Variants in PTPRD observed in about 807,000 individuals in gnomAD.
PTPRD encodes the protein receptor-type tyrosine-protein phosphatase delta.
In PTPRD, 34 loss-of-function variants were observed where a neutral mutation model predicts 214.5. That is an observed-to-expected ratio of 0.16 (90% confidence interval 0.12 to 0.21). The LOEUF (loss-of-function observed/expected upper bound fraction) is 0.21. PTPRD is among the 10% of genes least tolerant of loss of function. The pLI, the probability that PTPRD is intolerant of heterozygous loss-of-function variation, is 1.00. For synonymous variants in PTPRD, 1,128 were observed against 845.7 expected, an observed-to-expected ratio of 1.33 and a Z score of -5.79; for missense variants, 2,545 against 2,398.7, an observed-to-expected ratio of 1.06 and a Z score of -1.27.
intron 39 of PTPRD, among the ~76,000 whole-genome samples, chr9:8,367,130 G>C (rs941077043): frequency 3.9e-5 from 6 of 152,138 alleles, no homozygotes; most frequent in Non-Finnish European, 8.8e-5. Context: ...TTCAAGTAAT[G>C]AGCCTAGTTC....
chr9:10,069,418 G>T (rs1411593078), intron 3 of PTPRD, among the ~76,000 whole-genome samples: 2 of 151,964 alleles, frequency 1.3e-5, no homozygotes, highest in Non-Finnish European at 2.9e-5. Flanking sequence ...ACTATGCCAG[G>T]CTCCCTATTG....
chr9:10,548,894 T>G (rs2060719981), intron 2 of PTPRD, among the ~76,000 whole-genome samples: 2 of 152,160 alleles, frequency 1.3e-5, no homozygotes, highest in South Asian at 4.1e-4. Context: ...ACTGTTAATG[T>G]GCATAAAATT....
At chr9:9,371,174 T>A (rs1445457734) in intron 9 of PTPRD, among the ~76,000 whole-genome samples, 1 of 152,178 alleles carries the variant, frequency 6.6e-6, no homozygotes, top group African/African-American at 2.4e-5. Context: ...ATTGTAATAG[T>A]TTCAGAAGGA....
chr9:9,102,614 T>C lies in PTPRD; in HGVS notation c.-143+80690A>G, dbSNP rs77390632. Among the ~76,000 whole-genome samples the C allele has an allele frequency of 9.0e-3, 1,373 of 152,358 alleles. 18 individuals are homozygous for C. Among genetic ancestry groups the C allele is most frequent in the African/African-American group, 0.031 (1,273 of 41,580 alleles). ...AGATTCGCTTTCCCACCAGGGTGGC[T>C]GATTACGTAGATAATTTAGCCCATG... On this transcript the variant is annotated intron_variant, in intron 10 of 45. Transcript: ENST00000381196.
intron 9 of PTPRD, among the ~76,000 whole-genome samples, chr9:9,324,005 C>A (rs2210546): frequency 0.74 from 112,860 of 152,000 alleles, 42,152 homozygotes; most frequent in East Asian, 0.91. Context: ...CATGTCCCTA[C>A]AAAGGACATG....
At chr9:9,468,284 G>C (rs1047301940) in intron 8 of PTPRD, among the ~76,000 whole-genome samples, 1 of 151,586 alleles carries the variant, frequency 6.6e-6, no homozygotes, top group Non-Finnish European at 1.5e-5. Flanking sequence ...AAAAATGTTG[G>C]TAAAAGTTTA....
intron 10 of PTPRD, among the ~76,000 whole-genome samples, chr9:9,047,387 T>C (rs913951393): frequency 6.6e-6 from 1 of 152,044 alleles, no homozygotes; most frequent in Non-Finnish European, 1.5e-5. Flanking sequence ...ATTTTTTATA[T>C]AAATAGAAAA....
At chr9:8,541,046 A>G (rs1344229444) in intron 14 of PTPRD, among the ~76,000 whole-genome samples, 1 of 152,204 alleles carries the variant, frequency 6.6e-6, no homozygotes, top group East Asian at 1.9e-4. Context: ...CACATATAAA[A>G]TGTTTCACTG....
At chr9:9,526,159 T>C (rs151327310) in intron 8 of PTPRD, among the ~76,000 whole-genome samples, 3 of 152,370 alleles carry the variant, frequency 2.0e-5, no homozygotes, top group Non-Finnish European at 4.4e-5. Context: ...TACAGTTATG[T>C]TGAGTGTGTC....
chr9:8,606,980 G>C (rs2095247989), intron 14 of PTPRD, among the ~76,000 whole-genome samples: 1 of 152,134 alleles, frequency 6.6e-6, no homozygotes, highest in Admixed American at 6.5e-5. Flanking sequence ...AAGCCCAATG[G>C]GGGCTGGAGC....
chr9:9,959,563 C>A (rs779594360), intron 4 of PTPRD, among the ~76,000 whole-genome samples: 2 of 152,058 alleles, frequency 1.3e-5, no homozygotes, highest in African/African-American at 2.4e-5. Flanking sequence ...TATCTTCCTA[C>A]GACAAATATA....
At chr9:9,907,340 A>G (rs2077870216) in intron 5 of PTPRD, among the ~76,000 whole-genome samples, 1 of 151,956 alleles carries the variant, frequency 6.6e-6, no homozygotes, top group African/African-American at 2.4e-5. Context: ...ATAATAAAAT[A>G]CCACAGACTG....
At chr9:10,245,748 A>G (rs1192318208) in intron 3 of PTPRD, among the ~76,000 whole-genome samples, 1 of 152,134 alleles carries the variant, frequency 6.6e-6, no homozygotes, top group Non-Finnish European at 1.5e-5. Flanking sequence ...GTATTGGGAC[A>G]GGGGGAAGAC....
chr9:10,134,612 G>T (rs2098928550), intron 3 of PTPRD, among the ~76,000 whole-genome samples: 1 of 151,950 alleles, frequency 6.6e-6, no homozygotes, highest in South Asian at 2.1e-4. Flanking sequence ...ATCCCGTACA[G>T]ATACTTTGCC....
intron 3 of PTPRD, among the ~76,000 whole-genome samples, chr9:10,138,321 T>A (rs756382255): frequency 3.3e-5 from 5 of 151,636 alleles, no homozygotes; most frequent in Non-Finnish European, 7.4e-5. Context: ...ACACACAACC[T>A]CCCAAGATTG....
chr9:9,254,210 G>A (rs889951903), intron 9 of PTPRD, among the ~76,000 whole-genome samples: 1 of 152,012 alleles, frequency 6.6e-6, no homozygotes, highest in Non-Finnish European at 1.5e-5. Context: ...GCGGGGCGGG[G>A]CACCATTCAG....
At chr9:8,840,125 T>C (rs1317789984) in intron 11 of PTPRD, among the ~76,000 whole-genome samples, 2 of 152,186 alleles carry the variant, frequency 1.3e-5, no homozygotes, top group South Asian at 2.1e-4. Context: ...GTAACATCAG[T>C]ATCCCTTTAC....
chr9:8,418,812 C>T (rs2094142614), intron 35 of PTPRD, among the ~76,000 whole-genome samples: 1 of 151,946 alleles, frequency 6.6e-6, no homozygotes, highest in Admixed American at 6.6e-5. Flanking sequence ...ATTGGCTAAG[C>T]TATGAACCAT....
intron 35 of PTPRD, among the ~76,000 whole-genome samples, chr9:8,405,393 GTTTT>G (rs890533576): frequency 6.7e-6 from 1 of 150,148 alleles, no homozygotes; most frequent in Non-Finnish European, 1.5e-5. Flanking sequence ...TTTAACATTA[GTTTT>G]TTTTTCTGAT....
Sources: allele counts gnomAD v4.1 joint callset (sites outside exome capture counted in the v4.1 genomes callset), GRCh38; gene constraint gnomAD v4.1.1; transcripts MANE v1.5; gene names NCBI Gene and HGNC (gene_info 2026-07-23, HGNC 2026-07-21).